UNC5D: variants seen among roughly 807,000 people sequenced by gnomAD.
UNC5D encodes netrin receptor UNC5D.
A neutral mutation model predicts 105.4 loss-of-function variants in UNC5D; 39 were observed. That is an observed-to-expected ratio of 0.37 (90% CI 0.29 to 0.48). The LOEUF is 0.48. Among genes scored for constraint, UNC5D ranks in the 20% least tolerant of loss-of-function variants. UNC5D has a pLI of 0.98. For missense variants in UNC5D, 991 were observed against 1,202.4 expected (o/e 0.82, Z 2.60); for synonymous variants, 452 against 450.4 (o/e 1.00, Z -0.04).
At chr8:35,400,545 T>C (rs936439556) in intron 1 of UNC5D, among the ~76,000 whole-genome samples, 3 of 152,194 alleles carry the variant, frequency 2.0e-5, no homozygotes, top group Admixed American at 6.5e-5. Flanking sequence ...AAACTTCATT[T>C]TTTTGGTTAA....
At chr8:35,784,927 T>C (rs1247666872) in intron 16 of UNC5D, among the ~76,000 whole-genome samples, 1 of 152,076 alleles carries the variant, frequency 6.6e-6, no homozygotes, top group African/African-American at 2.4e-5. Flanking sequence ...GTTAACAATC[T>C]GAAGCATCTA....
intron 3 of UNC5D, among the ~76,000 whole-genome samples, chr8:35,591,483 A>G (rs1017701679): frequency 1.3e-5 from 2 of 152,142 alleles, no homozygotes; most frequent in Non-Finnish European, 1.5e-5. Context: ...ATATCCAATG[A>G]GTCATTTTGC....
chr8:35,792,943 G>T lies in UNC5D; in HGVS notation c.*2380G>T. 2.3e-6 allele frequency: 1 copy of T among 441,630 alleles called. No homozygotes were observed. The highest frequency in any genetic ancestry group is 1.7e-5 in the South Asian group (1 of 60,538). 27.4% of individuals were successfully genotyped at this position (441,630 alleles called of 1,614,324 possible). ...TGAGACAAGATTATTGTCAATCCCT[G>T]AATGTCTGGAGTTACCTCCCATGGA... is the stretch of plus-strand genomic sequence containing the variant. On this transcript the variant is annotated 3_prime_UTR_variant, in exon 17 of 17. Coordinates refer to ENST00000404895, the MANE Select transcript of UNC5D (RefSeq NM_080872.4).
chr8:35,559,094 C>A (rs1286911441), intron 2 of UNC5D, among the ~76,000 whole-genome samples: 1 of 152,114 alleles, frequency 6.6e-6, no homozygotes, highest in African/African-American at 2.4e-5. Context: ...TGGAGTAATT[C>A]TTTGGGACTT....
chr8:35,477,280 T>C (rs1810169192), intron 1 of UNC5D, among the ~76,000 whole-genome samples: 1 of 152,302 alleles, frequency 6.6e-6, no homozygotes, highest in Middle Eastern at 3.4e-3. Context: ...TTTCTCATAA[T>C]AACTTCTAGT....
At chr8:35,426,142 T>G (rs1806234514) in intron 1 of UNC5D, among the ~76,000 whole-genome samples, 1 of 152,178 alleles carries the variant, frequency 6.6e-6, no homozygotes, top group Non-Finnish European at 1.5e-5. Flanking sequence ...ACATAAGAAC[T>G]CTTCAAGTGT....
intron 16 of UNC5D, among the ~76,000 whole-genome samples, chr8:35,779,534 C>T (rs894987307): frequency 3.3e-5 from 5 of 152,132 alleles, no homozygotes; most frequent in African/African-American, 9.7e-5. Context: ...TCTCGGCTTA[C>T]TGCAACCTCC....
intron 4 of UNC5D, among the ~76,000 whole-genome samples, chr8:35,610,458 G>A (rs538352081): frequency 6.4e-4 from 98 of 152,246 alleles, no homozygotes; most frequent in African/African-American, 2.3e-3. Context: ...TTTGAAATAT[G>A]TAATCTGATA....
intron 1 of UNC5D, among the ~76,000 whole-genome samples, chr8:35,331,926 A>C (rs1001272327): frequency 1.3e-5 from 2 of 152,220 alleles, no homozygotes; most frequent in African/African-American, 4.8e-5. Flanking sequence ...GGCAGATAGC[A>C]CATGTTCAAT....
At chr8:35,430,131 G>C (rs1225024624) in intron 1 of UNC5D, among the ~76,000 whole-genome samples, 1 of 152,038 alleles carries the variant, frequency 6.6e-6, no homozygotes, top group Admixed American at 6.6e-5. Context: ...AACATGGCTT[G>C]ACTAGAGGAT....
intron 1 of UNC5D, among the ~76,000 whole-genome samples, chr8:35,336,037 G>C (rs1392577184): frequency 1.3e-5 from 2 of 152,012 alleles, no homozygotes; most frequent in East Asian, 1.9e-4. Context: ...TGTTGGGATT[G>C]CAGGCGTGAA....
chr8:35,577,462 G>A (rs1818168159), intron 3 of UNC5D, among the ~76,000 whole-genome samples: 1 of 152,148 alleles, frequency 6.6e-6, no homozygotes. Context: ...CACCCCTGAG[G>A]GGGCTCCCAC....
intron 1 of UNC5D, among the ~76,000 whole-genome samples, chr8:35,518,938 G>A (rs537912518): frequency 4.6e-5 from 7 of 152,242 alleles, no homozygotes; most frequent in African/African-American, 1.7e-4. Flanking sequence ...CAGATCACAA[G>A]AGGTGGGGAA....
intron 1 of UNC5D, among the ~76,000 whole-genome samples, chr8:35,442,620 T>C (rs1807480688): frequency 6.6e-6 from 1 of 151,902 alleles, no homozygotes; most frequent in Non-Finnish European, 1.5e-5. Flanking sequence ...TGTTTAGTAG[T>C]TTGAATAATA....
At chr8:35,440,565 C>T (rs1406459830) in intron 1 of UNC5D, among the ~76,000 whole-genome samples, 2 of 151,922 alleles carry the variant, frequency 1.3e-5, no homozygotes, top group Non-Finnish European at 2.9e-5. Context: ...AAACTAGCAC[C>T]ATTTAGCAAG....
At chr8:35,543,360 CAAT>C (rs1243139625) in intron 1 of UNC5D, among the ~76,000 whole-genome samples, 1 of 152,178 alleles carries the variant, frequency 6.6e-6, no homozygotes, top group Non-Finnish European at 1.5e-5. Flanking sequence ...TTCACTTAAA[CAAT>C]AATCCAATGG....
chr8:35,560,801 G>GTTTTATATGCAC (rs1816901012), intron 2 of UNC5D, among the ~76,000 whole-genome samples: 1 of 152,154 alleles, frequency 6.6e-6, no homozygotes, highest in African/African-American at 2.4e-5. Flanking sequence ...GGGAGCAGTT[G>GTTTTATATGCAC]TTTTATATGC....
chr8:35,415,777 T>C (rs1805488696), intron 1 of UNC5D, among the ~76,000 whole-genome samples: 1 of 152,188 alleles, frequency 6.6e-6, no homozygotes, highest in South Asian at 2.1e-4. Flanking sequence ...ACCATGACTT[T>C]TCCCCTCTCT....
chr8:35,742,264 AAAGAG>A (rs1829801013), intron 11 of UNC5D, among the ~76,000 whole-genome samples: 1 of 152,170 alleles, frequency 6.6e-6, no homozygotes, highest in African/African-American at 2.4e-5. Flanking sequence ...GAAAAAAAAA[AAAGAG>A]AGAGAGACAA....
Sources: allele counts gnomAD v4.1 joint callset (sites outside exome capture counted in the v4.1 genomes callset), GRCh38; gene constraint gnomAD v4.1.1; transcripts MANE v1.5; gene names NCBI Gene and HGNC (gene_info 2026-07-23, HGNC 2026-07-21).